ZNF350: variants seen among roughly 807,000 people sequenced by gnomAD.
The protein encoded by ZNF350 is KRAB zinc finger protein ZFQR.
Under a neutral mutation model 13.1 loss-of-function variants are expected in ZNF350, and 5 were observed. The ratio of observed to expected loss-of-function variants is 0.38; its 90% CI spans 0.20 to 0.80. ZNF350 has a LOEUF of 0.80. Among genes scored for constraint, ZNF350 ranks in the 30% least tolerant of loss-of-function variants. ZNF350 has a pLI of 0.43. For missense variants in ZNF350, 534 were observed against 644.2 expected (o/e 0.83, Z 1.85); for synonymous variants, 199 against 224.2 (o/e 0.89, Z 1.00).
At position 51,966,183 on chromosome 19, in the gene ZNF350, G is replaced by A. The variant is rs1419773482; in HGVS notation, c.270C>T (p.Arg90=). The change falls in exon 5 of 5, where the codon CGC becomes CGT. Residue 90 remains arginine (R), a synonymous_variant. Coordinates refer to ENST00000243644, the MANE Select transcript of ZNF350 (RefSeq NM_021632.4). ...TGTTCACCAGGCTTTCACTCTGCAA[G>A]CGCTCCAGCACATGATCAACTTTCC... ...DIWKVDHVLE[R]LQSESLVNRR... is the part of the protein sequence containing the mutation. 6.2e-7 allele frequency: 1 copy of A among 1,604,530 alleles called. No individual in the cohort carries two copies. Among genetic ancestry groups the A allele is most frequent in the African/African-American group, 1.3e-5 (1 of 74,272 alleles).
chr19:51,978,913 T>C (rs939998788), intron 1 of ZNF350, among the ~76,000 whole-genome samples: 3 of 152,050 alleles, frequency 2.0e-5, no homozygotes, highest in South Asian at 2.1e-4. Flanking sequence ...AGGACAACAA[T>C]GGAAAGGCCC....
At chr19:51,969,978 C>T (rs1030176638) in intron 2 of ZNF350, among the ~76,000 whole-genome samples, 5 of 152,066 alleles carry the variant, frequency 3.3e-5, no homozygotes, top group Non-Finnish European at 7.4e-5. Flanking sequence ...CTGCAACCTC[C>T]GCCTCCCAGG....
intron 1 of ZNF350, among the ~76,000 whole-genome samples, chr19:51,980,046 C>G (rs2085995663): frequency 6.6e-6 from 1 of 152,322 alleles, no homozygotes; most frequent in South Asian, 2.1e-4. Context: ...GTAAGCAACA[C>G]AGTCTTAATG....
At chr19:51,981,059 G>C (rs757453314) in intron 1 of ZNF350, 1 of 152,200 alleles carries the variant, frequency 6.6e-6, no homozygotes, top group Non-Finnish European at 1.5e-5. Context: ...GACCAACTCA[G>C]CATTCTGCTG....
chr19:51,984,411 A>G (rs147312245), intron 1 of ZNF350, among the ~76,000 whole-genome samples: 271 of 152,324 alleles, frequency 1.8e-3, no homozygotes, highest in Non-Finnish European at 3.1e-3. Flanking sequence ...AAAGCAAACT[A>G]TATCCTGCTA....
Position 51,974,339 on chromosome 19 carries a change from C to A in ZNF350, c.15+7G>T. On this transcript the variant is annotated splice_region_variant and intron_variant, in intron 2 of 4. Transcript: ENST00000243644. ...GGAAAGAATAAAACAAACCAAAAGTCAGTTACCTGGGCCTGGATCATTTTC... is the reference window on the plus strand; with the variant it reads ...GGAAAGAATAAAACAAACCAAAAGTAAGTTACCTGGGCCTGGATCATTTTC... 6.2e-7 allele frequency: 1 copy of A among 1,613,706 alleles called. No individual in the cohort carries two copies. Among genetic ancestry groups the A allele is most frequent in the Non-Finnish European group, 8.5e-7 (1 of 1,179,814 alleles).
In ZNF350 at chr19:51,965,031, G is replaced by A; in HGVS notation, c.1422C>T (p.Asn474=). Residue 474 remains asparagine (N), a synonymous_variant, in exon 5 of 5, where the codon AAC becomes AAT. Transcript: ENST00000243644. ...TCCTGTTTGCGAGGAGGCCGCTGAT[G>A]TTTAATGATGTCTGAGGGGCCACAG... ...VPSVAPQTSL[N]ISGLLANRNV... 6.2e-7 allele frequency: 1 copy of A among 1,614,190 alleles called. No individual in the cohort carries two copies. Among genetic ancestry groups the A allele is most frequent in the Non-Finnish European group, 8.5e-7 (1 of 1,180,040 alleles).
chr19:51,983,835 G>A (rs1245906266), intron 1 of ZNF350, among the ~76,000 whole-genome samples: 1 of 152,120 alleles, frequency 6.6e-6, no homozygotes, highest in Non-Finnish European at 1.5e-5. Flanking sequence ...CCAGTCCCCT[G>A]GGCCCACTTT....
chr19:51,974,477 C>T lies in ZNF350; in HGVS notation c.-117G>A. 8.2e-7 allele frequency: 1 copy of T among 1,216,100 alleles called. No homozygotes were observed. Among genetic ancestry groups the T allele is most frequent in the South Asian group, 1.3e-5 (1 of 76,394 alleles). The allele number at this position is 1,216,100 out of a possible 1,614,324, so 75.3% of individuals were successfully genotyped here. On this transcript the variant is annotated 5_prime_UTR_variant, in exon 2 of 5. Coordinates refer to ENST00000243644, the MANE Select transcript of ZNF350 (RefSeq NM_021632.4). ...GTGTGCCCCAAGAAATGGTGAACCCCAAATCCACTTCCTCCCTCTTCAGGT... is the reference window on the plus strand; with the variant it reads ...GTGTGCCCCAAGAAATGGTGAACCCTAAATCCACTTCCTCCCTCTTCAGGT...
chr19:51,967,275 C>G (rs1005275092), intron 4 of ZNF350: 1 of 152,050 alleles, frequency 6.6e-6, no homozygotes, highest in African/African-American at 2.4e-5. Flanking sequence ...GAATGATCAC[C>G]GTGTGCCAGG....
chr19:51,970,218 C>T (rs1038796176), intron 2 of ZNF350, among the ~76,000 whole-genome samples: 1 of 152,040 alleles, frequency 6.6e-6, no homozygotes, highest in African/African-American at 2.4e-5. Flanking sequence ...CCCGCCACCA[C>T]AACCAGCTAA....
In ZNF350 at chr19:51,965,182, T is replaced by C; in HGVS notation, c.1271A>G (p.His424Arg). 6.2e-7 allele frequency: 1 copy of C among 1,614,190 alleles called. No individual in the cohort carries two copies. The highest frequency in any genetic ancestry group is 8.5e-7 in the Non-Finnish European group (1 of 1,180,026). ...MSCLVKHKRI[H>R]TREKQEAAKV... ...GGCTGCCTCTTGTTTCTCCCTTGTG[T>C]GTATTCTCTTATGCTTAACCAGACA... Residue 424 changes from histidine (H) to arginine (R), a missense_variant, in exon 5 of 5, where the codon CAC (histidine) becomes CGC (arginine). His to Arg is a conservative substitution (Grantham distance 29). Coordinates refer to ENST00000243644, the MANE Select transcript of ZNF350 (RefSeq NM_021632.4).
At chr19:51,968,213 C>T (rs576719663) in intron 4 of ZNF350, among the ~76,000 whole-genome samples, 2 of 152,090 alleles carry the variant, frequency 1.3e-5, no homozygotes, top group African/African-American at 4.8e-5. Context: ...GGTGGGAGTC[C>T]GAAAACAGTG....
At chr19:51,969,616 G>A (rs1017241584) in intron 2 of ZNF350, among the ~76,000 whole-genome samples, 1 of 151,938 alleles carries the variant, frequency 6.6e-6, no homozygotes, top group Admixed American at 6.6e-5. Context: ...AGGGTCACTC[G>A]AGCCCAGGAG....
intron 1 of ZNF350, chr19:51,984,196 A>AT (rs1482593527): frequency 6.6e-6 from 1 of 152,024 alleles, no homozygotes; most frequent in East Asian, 1.9e-4. Flanking sequence ...AAAAAAAAAA[A>AT]AAAAATCAAT....
chr19:51,970,050 G>A (rs955346663), intron 2 of ZNF350, among the ~76,000 whole-genome samples: 7 of 141,732 alleles, frequency 4.9e-5, no homozygotes, highest in African/African-American at 1.4e-4. Context: ...GTGACACTAC[G>A]CCTGGCTAAT....
intron 1 of ZNF350, among the ~76,000 whole-genome samples, chr19:51,983,294 C>T (rs1189474601): frequency 6.6e-6 from 1 of 152,092 alleles, no homozygotes; most frequent in African/African-American, 2.4e-5. Flanking sequence ...GGGTATTGTC[C>T]AAGGTTTCCT....
chr19:51,973,193 AC>A (rs2122907377), intron 2 of ZNF350: 1 of 151,984 alleles, frequency 6.6e-6, no homozygotes, highest in South Asian at 2.1e-4. Flanking sequence ...TGATCCACCC[AC>A]CTCGGTCTCC....
chr19:51,971,256 A>G (rs904082939), intron 2 of ZNF350, among the ~76,000 whole-genome samples: 1 of 152,212 alleles, frequency 6.6e-6, no homozygotes. Flanking sequence ...TACCCATTCT[A>G]AATTATTTAT....
Sources: gnomAD v4.1 joint callset for allele counts (sites outside exome capture counted in the v4.1 genomes callset) on GRCh38, gnomAD v4.1.1 for gene constraint, MANE v1.5 for transcripts, NCBI Gene and HGNC (gene_info 2026-07-23, HGNC 2026-07-21) for gene names.